The following CHIC1 variants were observed in gnomAD, a reference collection of about 807,000 sequenced individuals.
The protein encoded by CHIC1 is cysteine rich hydrophobic domain 1.
Under a neutral mutation model 18.5 loss-of-function variants are expected in CHIC1, and 7 were observed. The ratio of observed to expected loss-of-function variants is 0.38; its 90% CI spans 0.22 to 0.71. The LOEUF (loss-of-function observed/expected upper bound fraction) is 0.71, where lower values mean the gene tolerates loss of function less well. CHIC1 is among the 30% of genes least tolerant of loss of function. CHIC1 has a pLI of 0.49. For synonymous variants in CHIC1, 77 were observed against 73.5 expected, an observed-to-expected ratio of 1.05 and a Z score of -0.25; for missense variants, 159 against 176.9, an observed-to-expected ratio of 0.90 and a Z score of 0.57.
At chrX:73,643,895 G>T (rs761870391) in intron 3 of CHIC1, among the ~76,000 whole-genome samples, 1 of 112,213 alleles carries the variant, frequency 8.9e-6, no homozygotes, top group African/African-American at 3.2e-5. Context: ...GTCCATCTTT[G>T]TTCCGTTGCT....
chrX:73,677,439 C>T (rs1182681035), intron 3 of CHIC1, among the ~76,000 whole-genome samples: 1 of 111,729 alleles, frequency 9.0e-6, no homozygotes, highest in Non-Finnish European at 1.9e-5. Context: ...TCAGCAATGG[C>T]AGGCACCCCT....
intron 3 of CHIC1, among the ~76,000 whole-genome samples, chrX:73,664,459 C>T (rs750974391): frequency 9.0e-6 from 1 of 110,552 alleles, no homozygotes; most frequent in Admixed American, 9.7e-5. Context: ...GTATAAGTTC[C>T]CCAACTGTGG....
chrX:73,563,311 G>C lies in CHIC1; in HGVS notation c.27G>C (p.Ala9=). 8.8e-7 allele frequency: 1 copy of C among 1,134,326 alleles called. No individual in the cohort carries two copies. Among genetic ancestry groups the C allele is most frequent in the Non-Finnish European group, 1.2e-6 (1 of 855,501 alleles). 93.5% of individuals were successfully genotyped at this position (1,134,326 alleles called of 1,213,427 possible). A position where few individuals can be genotyped will look rare whatever the true frequency, so the allele number is the denominator to read the frequency against. The change falls in exon 1 of 6, where the codon GCG becomes GCC. Residue 9 remains alanine (A), a synonymous_variant. Transcript: ENST00000373502. ...TGAGCATCCTGCTGCCCAACATGGC[G>C]GAGTTCGACACCATCTCGGAACTGG... The part of the protein sequence containing the change: MSILLPNM[A]EFDTISELEE...
intron 3 of CHIC1, among the ~76,000 whole-genome samples, chrX:73,589,760 A>G (rs1017206800): frequency 9.0e-6 from 1 of 111,482 alleles, no homozygotes; most frequent in African/African-American, 3.2e-5. Flanking sequence ...ATCTCTTTTT[A>G]GAATTTATTG....
In CHIC1 at chrX:73,661,524, A is replaced by G. The variant is rs763257423; in HGVS notation, c.508-17802A>G. 3.6e-5 allele frequency among the ~76,000 whole-genome samples: 4 copies of G among 112,058 alleles called. No individual in the cohort carries two copies. The East Asian group carries it at 8.5e-4, about 24-fold the overall frequency. On this transcript the variant is annotated intron_variant, in intron 3 of 5. Coordinates refer to ENST00000373502, the MANE Select transcript of CHIC1 (RefSeq NM_001039840.4). ...GGTGGCTTGATCAAACAATGATGTC[A>G]TAACTTGTAAGTCTGCTTGATCATT...
At chrX:73,626,926 T>C (rs1277615117) in intron 3 of CHIC1, among the ~76,000 whole-genome samples, 1 of 110,176 alleles carries the variant, frequency 9.1e-6, no homozygotes, top group Admixed American at 9.7e-5. Flanking sequence ...TGGGATTATT[T>C]GTAGACATCC....
At chrX:73,563,848 A>G (rs918206439) in intron 1 of CHIC1, among the ~76,000 whole-genome samples, 3 of 111,036 alleles carry the variant, frequency 2.7e-5, no homozygotes, top group African/African-American at 3.3e-5. Context: ...CGATTGGAGT[A>G]GGGGTGAGTC....
In CHIC1 at chrX:73,681,009, G is replaced by C. The variant is rs1377872193; in HGVS notation, c.*4G>C. On this transcript the variant is annotated 3_prime_UTR_variant, in exon 6 of 6. Coordinates refer to ENST00000373502, the MANE Select transcript of CHIC1 (RefSeq NM_001039840.4). ...TCCCATATTCCGACCTGACTGAGGA[G>C]TTTTATCCAGTCACTTCTGTGTTAC... The C allele has an allele frequency of 1.8e-6, 2 of 1,088,404 alleles. No individual in the cohort carries two copies. Among genetic ancestry groups the C allele is most frequent in the South Asian group, 4.2e-5 (2 of 47,960 alleles). 89.7% of individuals were successfully genotyped at this position (1,088,404 alleles called of 1,213,427 possible).
chrX:73,598,673 A>T (rs1281496588), intron 3 of CHIC1, among the ~76,000 whole-genome samples: 3 of 109,466 alleles, frequency 2.7e-5, no homozygotes, highest in African/African-American at 1.0e-4. Context: ...ATCATTTTTT[A>T]TGGCTGCATA....
At chrX:73,644,958 C>T (rs972039592) in intron 3 of CHIC1, among the ~76,000 whole-genome samples, 3 of 112,274 alleles carry the variant, frequency 2.7e-5, no homozygotes, top group African/African-American at 6.5e-5. Context: ...CGACTCACAC[C>T]CGGTGCGCTG....
chrX:73,640,879 G>T (rs1165165011), intron 3 of CHIC1, among the ~76,000 whole-genome samples: 2 of 111,031 alleles, frequency 1.8e-5, no homozygotes, highest in East Asian at 5.7e-4. Flanking sequence ...CTTGTTTTCT[G>T]CTAGCTTTGT....
chrX:73,619,066 C>G (rs1268556107), intron 3 of CHIC1, among the ~76,000 whole-genome samples: 3 of 112,018 alleles, frequency 2.7e-5, no homozygotes, highest in Non-Finnish European at 5.6e-5. Flanking sequence ...TGATCTGGAC[C>G]TTAGGTTCCC....
intron 1 of CHIC1, among the ~76,000 whole-genome samples, chrX:73,575,794 C>G (rs1474092381): frequency 9.1e-6 from 1 of 109,489 alleles, no homozygotes; most frequent in Admixed American, 9.7e-5. Context: ...AATTTATTTT[C>G]AAATGCTATT....
At chrX:73,592,790 T>C (rs776333328) in intron 3 of CHIC1, among the ~76,000 whole-genome samples, 55 of 111,145 alleles carry the variant, frequency 4.9e-4, no homozygotes, top group Non-Finnish European at 9.3e-4. Flanking sequence ...TTAGCTCTTC[T>C]TCGTACTTCT....
intron 3 of CHIC1, among the ~76,000 whole-genome samples, chrX:73,628,195 G>A (rs747738444): frequency 1.2e-4 from 13 of 111,506 alleles, no homozygotes; most frequent in Non-Finnish European, 2.1e-4. Context: ...TCTTTCCTTT[G>A]CTCTCAAGTT....
intron 3 of CHIC1, among the ~76,000 whole-genome samples, chrX:73,610,321 G>A (rs916823961): frequency 1.4e-4 from 15 of 109,022 alleles, no homozygotes; most frequent in Non-Finnish European, 2.4e-4. Context: ...CTGGGAGAGG[G>A]AGGTTCCCCG....
intron 3 of CHIC1, among the ~76,000 whole-genome samples, chrX:73,599,159 G>A (rs1320794750): frequency 5.4e-5 from 6 of 110,425 alleles, no homozygotes; most frequent in Non-Finnish European, 9.4e-5. Flanking sequence ...CATGTCCTTC[G>A]CCCACCTTTT....
At chrX:73,674,842 G>A (rs747908599) in intron 3 of CHIC1, among the ~76,000 whole-genome samples, 2 of 110,998 alleles carry the variant, frequency 1.8e-5, no homozygotes, top group South Asian at 7.6e-4. Context: ...GTCAATTTTG[G>A]ATCTTTCCTG....
At position 73,631,425 on chromosome X, in the gene CHIC1, G is replaced by A. The variant is rs547247367; in HGVS notation, c.507+46853G>A. On this transcript the variant is annotated intron_variant, in intron 3 of 5. Transcript: ENST00000373502. The stretch of plus-strand genomic sequence containing the variant: ...GCAGATCACCTGAGGTTGGGTGTTC[G>A]AGACCAGCCTGGCCAACCTGTTTAA... Among the ~76,000 whole-genome samples, 23 of 109,445 alleles carry A rather than the reference G, an allele frequency of 2.1e-4. No individual in the cohort carries two copies. In the South Asian group the frequency reaches 5.2e-3, roughly 25 times the overall value.
Sources: allele counts gnomAD v4.1 joint callset (sites outside exome capture counted in the v4.1 genomes callset), GRCh38; gene constraint gnomAD v4.1.1; transcripts MANE v1.5; gene names NCBI Gene and HGNC (gene_info 2026-07-23, HGNC 2026-07-21).